SAFB: variants seen among roughly 807,000 people sequenced by gnomAD.
The protein encoded by SAFB is scaffold attachment factor B1.
Under a neutral mutation model 101.6 loss-of-function variants are expected in SAFB, and 15 were observed. That is an observed-to-expected ratio of 0.15 (90% CI 0.10 to 0.23). The LOEUF (loss-of-function observed/expected upper bound fraction) is 0.23. Ranked by LOEUF, SAFB falls within the 10% of genes least tolerant of loss-of-function variation. SAFB has a pLI of 1.00. For missense variants in SAFB, 930 were observed against 1,104.1 expected (o/e 0.84, Z 2.23); for synonymous variants, 449 against 407.5 (o/e 1.10, Z -1.23).
In SAFB at chr19:5,641,673, G is replaced by A; in HGVS notation, c.339+15G>A. On this transcript the variant is annotated intron_variant, in intron 3 of 20. Coordinates refer to ENST00000588852, the MANE Select transcript of SAFB (RefSeq NM_001201338.2). ...GGGATGGACAGGTATGTGCAGCCTT[G>A]CGAGTGAGTAGCGTGGTGGATGGAC... 1.2e-6 allele frequency: 2 copies of A among 1,613,944 alleles called. No homozygotes were observed. The highest frequency in any genetic ancestry group is 1.7e-6 in the Non-Finnish European group (2 of 1,179,880).
chr19:5,636,994 C>T (rs1422038117), intron 2 of SAFB, among the ~76,000 whole-genome samples: 3 of 151,220 alleles, frequency 2.0e-5, no homozygotes, highest in Admixed American at 1.3e-4. Context: ...TAGGTGTGAG[C>T]CACAGTGTCA....
chr19:5,636,970 A>G (rs1319449426), intron 2 of SAFB, among the ~76,000 whole-genome samples: 1 of 151,130 alleles, frequency 6.6e-6, no homozygotes, highest in African/African-American at 2.4e-5. Flanking sequence ...CGGCCTCCCA[A>G]AGTGCTGGGA....
In SAFB at chr19:5,661,580, G is replaced by A. The variant is rs772893143; in HGVS notation, c.1925G>A (p.Arg642His). 9.3e-6 allele frequency: 15 copies of A among 1,612,846 alleles called. No individual in the cohort carries two copies. In the South Asian group the frequency reaches 9.9e-5, roughly 11 times the overall value. ...CAGGCGCAGTGGGAGCGCGAGGAGC[G>A]TGAGCGGCTGGAGATTGCCCGAGAG... ...RMQAQWEREE[R>H]ERLEIARERL... The change falls in exon 15 of 21, where the codon CGT becomes CAT. Residue 642 changes from arginine to histidine, a missense_variant. By Grantham distance (29) the Arg-to-His change is conservative. Transcript: ENST00000588852.
intron 2 of SAFB, among the ~76,000 whole-genome samples, chr19:5,628,336 G>T (rs1599313275): frequency 1.3e-5 from 2 of 152,278 alleles, no homozygotes; most frequent in East Asian, 3.9e-4. Context: ...AAATGCTTGG[G>T]ACCAGAAGGG....
At chr19:5,626,625 G>C in intron 2 of SAFB, 136 bp downstream of exon 2, 1 of 591,358 alleles carries the variant, frequency 1.7e-6, no homozygotes, top group South Asian at 2.1e-5. Flanking sequence ...GCGAAGCTTT[G>C]CATTTTCTTT....
chr19:5,654,070 C>T lies in SAFB; in HGVS notation c.1536C>T (p.Asn512=), dbSNP rs763423017. ...TGTCTGTTTTTTATAGATCTACAAA[C>T]CTTAAGAGGGATGATAAATGTGACA... The part of the protein sequence containing the change: ...EKSSNSDRST[N]LKRDDKCDRK... Residue 512 remains asparagine (N), a synonymous_variant, in exon 12 of 21, where the codon AAC becomes AAT. Transcript: ENST00000588852. 2.0e-5 allele frequency: 33 copies of T among 1,613,918 alleles called. No homozygotes were observed. In the Middle Eastern group the frequency reaches 4.9e-4, roughly 24 times the overall value.
chr19:5,667,979 C>A lies in SAFB; in HGVS notation c.2624+93C>A. The A allele has an allele frequency of 7.0e-7, 1 of 1,437,832 alleles. No individual in the cohort carries two copies. The highest frequency in any genetic ancestry group is 9.5e-7 in the Non-Finnish European group (1 of 1,057,434). The allele number at this position is 1,437,832 out of a possible 1,614,324, so 89.1% of individuals were successfully genotyped here. On this transcript the variant is annotated intron_variant, in intron 20 of 20. Transcript: ENST00000588852. The surrounding 1 kb of genome is among the most constrained non-coding windows in gnomAD (Gnocchi z 4.0). ...AACAACCAAGTCCTTCCAGCTAGTG[C>A]CCCTCCCCCCAAGGGTGACGTGAGG...
In SAFB at chr19:5,626,675, G is replaced by A. The variant is rs565091997; in HGVS notation, c.274+186G>A. On this transcript the variant is annotated intron_variant, in intron 2 of 20. Coordinates refer to ENST00000588852, the MANE Select transcript of SAFB (RefSeq NM_001201338.2). ...TGTGTTTTGTTTTCTTGGTATCTGGGAATTCCAATGGAGGATGGAAGGAGT... is the reference window on the plus strand; with the variant it reads ...TGTGTTTTGTTTTCTTGGTATCTGGAAATTCCAATGGAGGATGGAAGGAGT... Among the ~76,000 whole-genome samples, 115 of 152,298 alleles carry A rather than the reference G, an allele frequency of 7.6e-4. No homozygotes were observed. The Middle Eastern group carries it at 0.017, about 23-fold the overall frequency.
At position 5,659,661 on chromosome 19, in the gene SAFB, G is replaced by A. The variant is rs149624742; in HGVS notation, c.1863-1857G>A. On this transcript the variant is annotated intron_variant, in intron 14 of 20. Coordinates refer to ENST00000588852, the MANE Select transcript of SAFB (RefSeq NM_001201338.2). Reference sequence around the variant, plus strand: ...CTCCCAAAGTGCTGGAATTACAGGCGTGAGCCACTGCGCCCAGCCTATTCC... The same window carrying A: ...CTCCCAAAGTGCTGGAATTACAGGCATGAGCCACTGCGCCCAGCCTATTCC... Among the ~76,000 whole-genome samples, 324 of 151,772 alleles carry A rather than the reference G, an allele frequency of 2.1e-3. 3 individuals carry two copies. Among genetic ancestry groups the A allele is most frequent in the African/African-American group, 7.5e-3 (311 of 41,282 alleles).
At chr19:5,651,865 A>G (rs1021913300) in intron 9 of SAFB, among the ~76,000 whole-genome samples, 1 of 152,218 alleles carries the variant, frequency 6.6e-6, no homozygotes, top group Non-Finnish European at 1.5e-5. Context: ...TAGAAAACCA[A>G]GTGTTTTCCC....
At chr19:5,646,027 A>G (rs1360068929) in intron 5 of SAFB, among the ~76,000 whole-genome samples, 1 of 152,012 alleles carries the variant, frequency 6.6e-6, no homozygotes, top group African/African-American at 2.4e-5. Flanking sequence ...TATGATTTTT[A>G]TATTTGTGGG....
chr19:5,649,855 G>T (rs984214477), intron 7 of SAFB, 71 bp from the exon 8 acceptor site: 2 of 1,412,610 alleles, frequency 1.4e-6, no homozygotes, highest in East Asian at 2.3e-5. Context: ...ACCTCAGCAC[G>T]AATTTTATGG....
chr19:5,625,554 T>G (rs2053339661), intron 1 of SAFB, among the ~76,000 whole-genome samples: 1 of 152,210 alleles, frequency 6.6e-6, no homozygotes, highest in South Asian at 2.1e-4. Context: ...AAACTTGTGC[T>G]CATGGGACTG....
intron 15 of SAFB, among the ~76,000 whole-genome samples, chr19:5,662,317 G>A (rs1237325594): frequency 6.6e-6 from 1 of 152,086 alleles, no homozygotes; most frequent in African/African-American, 2.4e-5. Context: ...GGCCAACATG[G>A]CAGAACCCCG....
At chr19:5,658,032 G>C (rs948662771) in intron 14 of SAFB, among the ~76,000 whole-genome samples, 2 of 151,912 alleles carry the variant, frequency 1.3e-5, no homozygotes, top group African/African-American at 4.8e-5. Flanking sequence ...GATGGAGTCT[G>C]TGTCGCCCAG....
chr19:5,629,671 G>T (rs1317660959), intron 2 of SAFB, among the ~76,000 whole-genome samples: 1 of 152,190 alleles, frequency 6.6e-6, no homozygotes, highest in Non-Finnish European at 1.5e-5. Context: ...ATACCTTTGT[G>T]TGGTCAAAGT....
intron 17 of SAFB, chr19:5,665,811 C>G (rs1022073823): frequency 6.6e-6 from 1 of 152,160 alleles, no homozygotes; most frequent in East Asian, 1.9e-4. Context: ...TGAACAGTTA[C>G]GTGGGTTGGT....
At chr19:5,626,376 G>A (rs906213967) in intron 1 of SAFB, 29 bp from the exon 2 acceptor site, 2 of 1,374,020 alleles carry the variant, frequency 1.5e-6, no homozygotes, top group South Asian at 1.2e-5. Context: ...TGACTTTTTG[G>A]ATCAACTTTA....
intron 13 of SAFB, among the ~76,000 whole-genome samples, chr19:5,656,352 A>G (rs1468650316): frequency 1.3e-5 from 2 of 151,758 alleles, no homozygotes; most frequent in Non-Finnish European, 2.9e-5. Context: ...GCTCACTGCA[A>G]CCTCCACCTC....
Sources: gnomAD v4.1 joint callset for allele counts (sites outside exome capture counted in the v4.1 genomes callset) on GRCh38, gnomAD v4.1.1 for gene constraint, Gnocchi (gnomAD v3.1) non-coding constraint, MANE v1.5 for transcripts, NCBI Gene and HGNC (gene_info 2026-07-23, HGNC 2026-07-21) for gene names.